Variants in PXMP2 observed in about 807,000 individuals in gnomAD.
The protein encoded by PXMP2 is peroxisomal membrane protein 2.
Under a neutral mutation model 20.2 loss-of-function variants are expected in PXMP2, and 13 were observed. That is an observed-to-expected ratio of 0.64 (90% CI 0.42 to 1.02). The LOEUF is 1.02. Among genes scored for constraint, PXMP2 ranks in the 50% least tolerant of loss-of-function variants. The probability of loss-of-function intolerance (pLI) is 0.00; values close to 1 mark genes in which losing one functional copy is unlikely to be tolerated. For missense variants in PXMP2, 284 were observed against 251.8 expected (o/e 1.13, Z -0.87); for synonymous variants, 113 against 111.2 (o/e 1.02, Z -0.10).
chr12:132,698,130 C>G (rs926962526), intron 3 of PXMP2, among the ~76,000 whole-genome samples: 2 of 152,052 alleles, frequency 1.3e-5, no homozygotes, highest in African/African-American at 4.8e-5. Flanking sequence ...CTGCCTCAGC[C>G]TCCCAAATAG....
intron 3 of PXMP2, among the ~76,000 whole-genome samples, chr12:132,698,478 T>C (rs2136065760): frequency 6.6e-6 from 1 of 152,402 alleles, no homozygotes; most frequent in African/African-American, 2.4e-5. Context: ...ATGGTTTTAC[T>C]TGTGTACAGT....
chr12:132,690,326 AAACTC>A lies in PXMP2; in HGVS notation c.187_191del (p.Asn63Ter), dbSNP rs1397820959. 1 of 1,613,976 alleles carries A rather than the reference AAACTC, an allele frequency of 6.2e-7. No individual in the cohort carries two copies. The highest frequency in any genetic ancestry group is 1.3e-5 in the African/African-American group (1 of 74,884). On this transcript the variant is annotated frameshift_variant, in exon 2 of 5. Coordinates refer to ENST00000317479, the MANE Select transcript of PXMP2 (RefSeq NM_018663.3). LOFTEE classifies it high-confidence loss of function. ...TGATTGAGAAGAAGCGGAAAAAAGA[AAACTC>A]TAGAAGTCTGGATGTCGGTGGGCCT...
chr12:132,701,284 G>T lies in PXMP2; in HGVS notation c.434G>T (p.Arg145Met), dbSNP rs141115887. The T allele has an allele frequency of 2.1e-4, 332 of 1,611,712 alleles. No homozygotes were observed. The highest frequency in any genetic ancestry group is 1.3e-4 in the Non-Finnish European group (153 of 1,179,232). ...GCCTCAGCCTTCGCCGCCAAGATGA[G>T]GGGGGGCTTCTGGCCGGCGCTGAGG... is the stretch of plus-strand genomic sequence containing the variant. ...KDASAFAAKM[R>M]GGFWPALRMN... is the part of the protein sequence containing the mutation. Residue 145 changes from arginine to methionine, a missense_variant, in exon 4 of 5, where the codon AGG becomes ATG. Coordinates refer to ENST00000317479, the MANE Select transcript of PXMP2 (RefSeq NM_018663.3).
rs1203659092 is a variant in PXMP2, at chr12:132,696,158, T to A, written c.399+112T>A. 5.4e-6 allele frequency: 7 copies of A among 1,300,286 alleles called. No individual in the cohort carries two copies. The highest frequency in any genetic ancestry group is 2.4e-5 in the East Asian group (1 of 41,088). The allele number at this position is 1,300,286 out of a possible 1,614,324, so 80.5% of individuals were successfully genotyped here. A position where few individuals can be genotyped will look rare whatever the true frequency, so the allele number is the denominator to read the frequency against. On this transcript the variant is annotated intron_variant, in intron 3 of 4. Coordinates refer to ENST00000317479, the MANE Select transcript of PXMP2 (RefSeq NM_018663.3). The surrounding 1 kb of genome is among the most constrained non-coding windows in gnomAD (Gnocchi z 4.4). Reference sequence around the variant, plus strand: ...TGCAGATTTTTCACTCAAATTGAAATTTTGCATTTTCTTTTATGAATATAG... The same window carrying A: ...TGCAGATTTTTCACTCAAATTGAAAATTTGCATTTTCTTTTATGAATATAG...
intron 2 of PXMP2, among the ~76,000 whole-genome samples, chr12:132,694,018 G>T (rs1301102381): frequency 1.5e-5 from 1 of 65,946 alleles, no homozygotes; most frequent in Non-Finnish European, 4.2e-5. Context: ...AGCTCCCTTA[G>T]CCAGTTAGTT....
intron 1 of PXMP2, among the ~76,000 whole-genome samples, chr12:132,689,357 C>CCTGTTCA (rs2043351872): frequency 6.6e-6 from 1 of 152,146 alleles, no homozygotes; most frequent in Admixed American, 6.5e-5. Context: ...TGACATTGAA[C>CCTGTTCA]AGGCTGTGTA....
At chr12:132,690,408 G>A (rs747780428) in intron 2 of PXMP2, 32 bp downstream of exon 2, 2 of 1,564,566 alleles carry the variant, frequency 1.3e-6, no homozygotes, top group Admixed American at 3.4e-5. Context: ...GGTTTACCTT[G>A]TAGCCGCTGA....
At position 132,699,719 on chromosome 12, in the gene PXMP2, G is replaced by A. The variant is rs1020066841; in HGVS notation, c.400-1531G>A. ...CGAGTTCATTCTTTTTTTTATAGCA[G>A]AGTAGTGTTCCGTGGTGTATTTATG... On this transcript the variant is annotated intron_variant, in intron 3 of 4. Coordinates refer to ENST00000317479, the MANE Select transcript of PXMP2 (RefSeq NM_018663.3). Among the ~76,000 whole-genome samples, 7 of 151,834 alleles carry A rather than the reference G, an allele frequency of 4.6e-5. No homozygotes were observed. In the South Asian group the frequency reaches 6.3e-4, roughly 14 times the overall value.
chr12:132,697,485 G>C (rs2043416903), intron 3 of PXMP2, among the ~76,000 whole-genome samples: 1 of 151,698 alleles, frequency 6.6e-6, no homozygotes, highest in African/African-American at 2.4e-5. Flanking sequence ...TCAGCTCACT[G>C]CAACCTCTGC....
At chr12:132,699,741 T>G (rs2043428575) in intron 3 of PXMP2, among the ~76,000 whole-genome samples, 1 of 151,996 alleles carries the variant, frequency 6.6e-6, no homozygotes, top group African/African-American at 2.4e-5. Context: ...GTGGTGTATT[T>G]ATGGCACTTT....
chr12:132,699,014 G>A (rs1489929735), intron 3 of PXMP2, among the ~76,000 whole-genome samples: 1 of 152,180 alleles, frequency 6.6e-6, no homozygotes, highest in Non-Finnish European at 1.5e-5. Context: ...TTATGTGACT[G>A]TGCTGTGGTG....
chr12:132,699,731 G>C (rs559210584), intron 3 of PXMP2, among the ~76,000 whole-genome samples: 3 of 151,894 alleles, frequency 2.0e-5, no homozygotes, highest in Admixed American at 6.6e-5. Context: ...GTAGTGTTCC[G>C]TGGTGTATTT....
rs772712040 is a variant in PXMP2, at chr12:132,692,905, CAGTT to C, written c.236+2537_236+2540del. Among the ~76,000 whole-genome samples the C allele has an allele frequency of 4.0e-3, 354 of 89,054 alleles. 21 individuals are homozygous for C. Among genetic ancestry groups the C allele is most frequent in the African/African-American group, 0.012 (312 of 25,548 alleles). 58.4% of individuals were successfully genotyped at this position (89,054 alleles called of 152,430 possible). ...CAGTTAGTTAGTGAGCTCCCTTAGT[CAGTT>C]AGTTAGTGAGCGCCCTTGCCAGTTA... On this transcript the variant is annotated intron_variant, in intron 2 of 4. Coordinates refer to ENST00000317479, the MANE Select transcript of PXMP2 (RefSeq NM_018663.3).
At chr12:132,691,284 G>T (rs1246742542) in intron 2 of PXMP2, among the ~76,000 whole-genome samples, 1 of 151,920 alleles carries the variant, frequency 6.6e-6, no homozygotes, top group East Asian at 1.9e-4. Context: ...TCCTGACCTC[G>T]TGATCCGCCC....
chr12:132,701,875 A>T (rs1038831497), intron 4 of PXMP2, among the ~76,000 whole-genome samples: 2 of 152,160 alleles, frequency 1.3e-5, no homozygotes, highest in Non-Finnish European at 2.9e-5. Context: ...AAATCACTTG[A>T]AGCCAGGAGT....
At position 132,701,895 on chromosome 12, in the gene PXMP2, G is replaced by A. The variant is rs149065067; in HGVS notation, c.519+526G>A. On this transcript the variant is annotated intron_variant, in intron 4 of 4. Coordinates refer to ENST00000317479, the MANE Select transcript of PXMP2 (RefSeq NM_018663.3). The stretch of plus-strand genomic sequence containing the variant: ...ACTTGAAGCCAGGAGTTCGAGACCA[G>A]CCTGGCCAACATAGCGAAACCCCAT... Among the ~76,000 whole-genome samples, 614 of 152,270 alleles carry A rather than the reference G, an allele frequency of 4.0e-3. 9 individuals carry two copies. Among genetic ancestry groups the A allele is most frequent in the African/African-American group, 0.014 (570 of 41,546 alleles).
intron 2 of PXMP2, among the ~76,000 whole-genome samples, chr12:132,692,884 T>TAGTTAGTGAGCTCCCTTGCC: frequency 9.7e-6 from 1 of 102,606 alleles, no homozygotes; most frequent in Non-Finnish European, 2.2e-5. Context: ...CCTTGCCAGT[T>TAGTTAGTGAGCTCCCTTGCC]AGTTAGTGAG....
At chr12:132,691,287 A>G (rs952893360) in intron 2 of PXMP2, among the ~76,000 whole-genome samples, 2 of 151,954 alleles carry the variant, frequency 1.3e-5, no homozygotes, top group Non-Finnish European at 2.9e-5. Flanking sequence ...TGACCTCGTG[A>G]TCCGCCCACC....
At chr12:132,702,729 C>T (rs1208038526) in intron 4 of PXMP2, among the ~76,000 whole-genome samples, 3 of 152,168 alleles carry the variant, frequency 2.0e-5, no homozygotes, top group African/African-American at 7.2e-5. Context: ...AGGTGGGTGC[C>T]GTCCCAGCCC....
Sources: allele counts gnomAD v4.1 joint callset (sites outside exome capture counted in the v4.1 genomes callset), GRCh38; gene constraint gnomAD v4.1.1; non-coding constraint Gnocchi (gnomAD v3.1); transcripts MANE v1.5; gene names NCBI Gene and HGNC (gene_info 2026-07-23, HGNC 2026-07-21).